Variants in MRPL1 observed in about 807,000 individuals in gnomAD.
MRPL1 encodes mitochondrial ribosomal protein L1, also known as large ribosomal subunit protein uL1m.
A neutral mutation model predicts 38.0 loss-of-function variants in MRPL1; 28 were observed. The ratio of observed to expected loss-of-function variants is 0.74; its 90% CI spans 0.55 to 1.01. The LOEUF is 1.01. Ranked by LOEUF, MRPL1 falls within the 50% of genes least tolerant of loss-of-function variation. The pLI, the probability that MRPL1 is intolerant of heterozygous loss-of-function variation, is 0.00. For missense variants in MRPL1, 358 were observed against 389.8 expected (o/e 0.92, Z 0.69); for synonymous variants, 123 against 126.7 (o/e 0.97, Z 0.20).
intron 7 of MRPL1, among the ~76,000 whole-genome samples, chr4:77,914,288 A>ATTAGTAGTTGCATAGGAGGGGTGG (rs1560468631): frequency 6.6e-6 from 1 of 152,046 alleles, no homozygotes; most frequent in East Asian, 1.9e-4. Context: ...CAAAAAGTAG[A>ATTAGTAGTTGCATAGGAGGGGTGG]TTAGTAGTTG....
intron 3 of MRPL1, among the ~76,000 whole-genome samples, chr4:77,884,959 T>C (rs1021932193): frequency 1.3e-5 from 2 of 152,218 alleles, no homozygotes; most frequent in South Asian, 2.1e-4. Flanking sequence ...GATGTAGAGA[T>C]AGAAGCCAAG....
intron 1 of MRPL1, among the ~76,000 whole-genome samples, chr4:77,864,072 G>C (rs905144282): frequency 4.0e-5 from 6 of 151,110 alleles, no homozygotes; most frequent in African/African-American, 7.3e-5. Flanking sequence ...AAAAATTAGG[G>C]GTGACAAGAG....
chr4:77,893,405 T>C (rs188251021), intron 5 of MRPL1, among the ~76,000 whole-genome samples: 1 of 152,284 alleles, frequency 6.6e-6, no homozygotes, highest in Non-Finnish European at 1.5e-5. Flanking sequence ...GTGTGGAGTT[T>C]AAGTGGAGTA....
intron 7 of MRPL1, among the ~76,000 whole-genome samples, chr4:77,945,215 C>T (rs1737232101): frequency 6.7e-6 from 1 of 150,270 alleles, no homozygotes; most frequent in African/African-American, 2.4e-5. Flanking sequence ...TACAGATAAC[C>T]TTTCTTTTCT....
chr4:77,924,269 G>T (rs976913084), intron 7 of MRPL1, among the ~76,000 whole-genome samples: 7 of 152,120 alleles, frequency 4.6e-5, no homozygotes, highest in African/African-American at 1.7e-4. Context: ...TTTGATGTCA[G>T]GATTATGAAC....
chr4:77,929,757 A>G (rs1229358891), intron 7 of MRPL1, among the ~76,000 whole-genome samples: 1 of 106,504 alleles, frequency 9.4e-6, no homozygotes, highest in Non-Finnish European at 1.8e-5. Flanking sequence ...AACCCCTTTA[A>G]AGGGTTTTAT....
At chr4:77,940,522 T>C (rs916379926) in intron 7 of MRPL1, among the ~76,000 whole-genome samples, 1 of 152,186 alleles carries the variant, frequency 6.6e-6, no homozygotes, top group Admixed American at 6.5e-5. Context: ...CTTTATTGAT[T>C]TGGATGCCTT....
chr4:77,873,568 CT>C (rs1039427255), intron 2 of MRPL1, among the ~76,000 whole-genome samples: 3 of 152,156 alleles, frequency 2.0e-5, no homozygotes, highest in Non-Finnish European at 4.4e-5. Context: ...TTAATATATT[CT>C]TATTTCCATA....
In MRPL1 at chr4:77,883,329, T is replaced by C. The variant is rs757520352; in HGVS notation, c.231T>C (p.Tyr77=). Residue 77 remains tyrosine (Y), a synonymous_variant, in exon 3 of 9, where the codon TAT becomes TAC. Coordinates refer to ENST00000315567, the MANE Select transcript of MRPL1 (RefSeq NM_020236.4). ...DEIEKIKAYP[Y]MEGEPEDDVY... ...TAGAAAAAATAAAAGCATATCCCTA[T>C]ATGGAAGGCGAACCTGAGGATGATG... is the stretch of plus-strand genomic sequence containing the variant. 1 of 1,613,628 alleles carries C rather than the reference T, an allele frequency of 6.2e-7. No individual in the cohort carries two copies. Among genetic ancestry groups the C allele is most frequent in the South Asian group, 1.1e-5 (1 of 90,970 alleles).
At chr4:77,884,085 G>A (rs1002875906) in intron 3 of MRPL1, among the ~76,000 whole-genome samples, 5 of 152,056 alleles carry the variant, frequency 3.3e-5, no homozygotes, top group Non-Finnish European at 5.9e-5. Flanking sequence ...TAAAATTAAC[G>A]GAGGTATCAC....
At chr4:77,892,257 G>A (rs946487450) in intron 5 of MRPL1, among the ~76,000 whole-genome samples, 2 of 151,560 alleles carry the variant, frequency 1.3e-5, no homozygotes, top group African/African-American at 4.8e-5. Context: ...TCTGCCTCCC[G>A]AGTAGCTGGG....
chr4:77,863,482 T>TTTTTTTTTA (rs1735053032), intron 1 of MRPL1, among the ~76,000 whole-genome samples: 3 of 148,728 alleles, frequency 2.0e-5, no homozygotes, highest in East Asian at 2.0e-4. Flanking sequence ...TTTTTTTTTT[T>TTTTTTTTTA]GAGACGGCAG....
chr4:77,949,557 C>T (rs1737359118), intron 7 of MRPL1, among the ~76,000 whole-genome samples: 1 of 152,084 alleles, frequency 6.6e-6, no homozygotes. Context: ...CAAGGATTCT[C>T]AAGTGGAAAA....
At chr4:77,906,934 T>C (rs1560467096) in intron 6 of MRPL1, 1 of 982,106 alleles carries the variant, frequency 1.0e-6, no homozygotes, top group Admixed American at 6.1e-5. Flanking sequence ...ATATCCATTA[T>C]CTCCCAATTA....
At position 77,921,169 on chromosome 4, in the gene MRPL1, C is replaced by T. The variant is rs544186336; in HGVS notation, c.777+11797C>T. Among the ~76,000 whole-genome samples, 4 of 152,274 alleles carry T rather than the reference C, an allele frequency of 2.6e-5. No individual in the cohort carries two copies. In the South Asian group the frequency reaches 6.2e-4, roughly 24 times the overall value. ...GGCATCTCCTTTAATAACTCTCTGT[C>T]CCTTTATTACTATTTTCTATGACAA... On this transcript the variant is annotated intron_variant, in intron 7 of 8. Transcript: ENST00000315567.
intron 1 of MRPL1, among the ~76,000 whole-genome samples, chr4:77,866,785 T>C (rs1208564082): frequency 1.3e-5 from 2 of 151,690 alleles, no homozygotes; most frequent in Non-Finnish European, 2.9e-5. Context: ...TTCGCTCTTG[T>C]TGCCCAGGCT....
intron 6 of MRPL1, among the ~76,000 whole-genome samples, chr4:77,906,328 A>G (rs546831888): frequency 2.6e-5 from 4 of 152,184 alleles, no homozygotes; most frequent in Non-Finnish European, 5.9e-5. Context: ...TGAAGTAGGT[A>G]TAAGAGAAAA....
intron 7 of MRPL1, among the ~76,000 whole-genome samples, chr4:77,925,185 G>A (rs1468258709): frequency 1.3e-5 from 2 of 152,056 alleles, no homozygotes; most frequent in South Asian, 2.1e-4. Flanking sequence ...AAACATTTTA[G>A]CATGCATAGC....
intron 7 of MRPL1, among the ~76,000 whole-genome samples, chr4:77,945,877 G>A (rs1273969068): frequency 6.6e-6 from 1 of 152,104 alleles, no homozygotes; most frequent in East Asian, 1.9e-4. Context: ...AAGGCAAAGG[G>A]CAAAGCAAAG....
Sources: allele counts gnomAD v4.1 joint callset (sites outside exome capture counted in the v4.1 genomes callset), GRCh38; gene constraint gnomAD v4.1.1; transcripts MANE v1.5; gene names NCBI Gene and HGNC (gene_info 2026-07-23, HGNC 2026-07-21).